Variants in BACH2 observed in about 807,000 individuals in gnomAD.
The protein encoded by BACH2 is transcription regulator protein BACH2.
Under a neutral mutation model 61.8 loss-of-function variants are expected in BACH2, and 5 were observed. That is an observed-to-expected ratio of 0.08 (90% confidence interval 0.04 to 0.17). BACH2 has a LOEUF of 0.17. BACH2 is among the 10% of genes least tolerant of loss of function. The probability of loss-of-function intolerance (pLI) is 1.00; values close to 1 mark genes in which losing one functional copy is unlikely to be tolerated. For synonymous variants in BACH2, 446 were observed against 440.1 expected (o/e 1.01, Z -0.17); for missense variants, 824 against 1,091.1 (o/e 0.76, Z 3.45).
At chr6:89,973,257 A>C (rs1326440681) in intron 6 of BACH2, among the ~76,000 whole-genome samples, 2 of 121,598 alleles carry the variant, frequency 1.6e-5, no homozygotes, top group Admixed American at 1.8e-4. Flanking sequence ...TAAAAAAATA[A>C]GAAAATATAA....
chr6:90,211,126 C>CAAAAAAAAAAAAAAA (rs3072672), intron 3 of BACH2, among the ~76,000 whole-genome samples: 1 of 45,350 alleles, frequency 2.2e-5, no homozygotes, highest in African/African-American at 9.6e-5. Flanking sequence ...GACTCCATCT[C>CAAAAAAAAAAAAAAA]AAAAAAAAAA....
intron 5 of BACH2, among the ~76,000 whole-genome samples, chr6:90,050,430 C>T (rs528621489): frequency 4.6e-5 from 7 of 152,248 alleles, no homozygotes; most frequent in African/African-American, 1.7e-4. Context: ...TAACTCTATC[C>T]TTGTCCAAAT....
chr6:89,967,370 A>G (rs750715306), intron 6 of BACH2, among the ~76,000 whole-genome samples: 1 of 152,290 alleles, frequency 6.6e-6, no homozygotes, highest in Middle Eastern at 3.4e-3. Context: ...GGTGAATCAA[A>G]CTATTTCTGA....
intron 4 of BACH2, among the ~76,000 whole-genome samples, chr6:90,094,606 C>T (rs960721920): frequency 1.3e-5 from 2 of 152,100 alleles, no homozygotes; most frequent in African/African-American, 4.8e-5. Context: ...ACTTCAAGGA[C>T]GGGACACTGC....
chr6:89,956,198 A>ATC (rs1409548925), intron 6 of BACH2, among the ~76,000 whole-genome samples: 1 of 152,206 alleles, frequency 6.6e-6, no homozygotes, highest in Non-Finnish European at 1.5e-5. Context: ...CATTGCACTT[A>ATC]AATATGTAAC....
At chr6:90,007,556 C>T (rs1777475850) in intron 6 of BACH2, among the ~76,000 whole-genome samples, 1 of 152,124 alleles carries the variant, frequency 6.6e-6, no homozygotes, top group Non-Finnish European at 1.5e-5. Context: ...CTACTTCACT[C>T]ATTTATATTA....
At chr6:90,144,679 T>A (rs1443090927) in intron 4 of BACH2, among the ~76,000 whole-genome samples, 1 of 152,156 alleles carries the variant, frequency 6.6e-6, no homozygotes, top group African/African-American at 2.4e-5. Context: ...AAGAGAGTAA[T>A]AAAACCAATT....
At chr6:90,295,899 T>C (rs1772348570) in intron 1 of BACH2, among the ~76,000 whole-genome samples, 1 of 152,088 alleles carries the variant, frequency 6.6e-6, no homozygotes, top group East Asian at 1.9e-4. Context: ...GTCGCGGTGG[T>C]CCGGGCCACC....
chr6:90,212,416 C>T (rs143158499), intron 3 of BACH2, among the ~76,000 whole-genome samples: 1 of 152,242 alleles, frequency 6.6e-6, no homozygotes, highest in Non-Finnish European at 1.5e-5. Context: ...TCCTGCAGGT[C>T]CCTCTCCATC....
rs372104733 is a variant in BACH2, at chr6:90,293,941, A to T, written c.-446+2539T>A. On this transcript the variant is annotated intron_variant, in intron 1 of 8. Coordinates refer to ENST00000257749, the MANE Select transcript of BACH2 (RefSeq NM_021813.4). The stretch of plus-strand genomic sequence containing the variant: ...GAATTGCCTGAAGATACTAAGTCAA[A>T]GGGCATAATTCAATAGGAAAATAAT... Among the ~76,000 whole-genome samples the T allele has an allele frequency of 2.0e-4, 30 of 152,332 alleles. 1 individual carries two copies. The South Asian group carries it at 4.1e-3, about 21-fold the overall frequency.
intron 2 of BACH2, among the ~76,000 whole-genome samples, chr6:90,269,815 G>A (rs1771463468): frequency 6.6e-6 from 1 of 152,142 alleles, no homozygotes. Flanking sequence ...CGGTGAGTGG[G>A]ACACACGCTG....
At chr6:90,100,706 C>T in intron 4 of BACH2, among the ~76,000 whole-genome samples, 1 of 143,280 alleles carries the variant, frequency 7.0e-6, no homozygotes, top group African/African-American at 2.6e-5. Flanking sequence ...CACACAGACA[C>T]ACACACACAC....
chr6:90,060,167 C>T (rs1408951041), intron 5 of BACH2, among the ~76,000 whole-genome samples: 1 of 150,190 alleles, frequency 6.7e-6, no homozygotes, highest in Non-Finnish European at 1.5e-5. Flanking sequence ...AAACAAAAAA[C>T]ACAAAAGATA....
chr6:90,107,227 C>T (rs1268703895), intron 4 of BACH2, among the ~76,000 whole-genome samples: 1 of 152,050 alleles, frequency 6.6e-6, no homozygotes, highest in Non-Finnish European at 1.5e-5. Flanking sequence ...CAAAAATTAG[C>T]TGGGTGTGGT....
chr6:90,247,872 C>T (rs1463232119), intron 3 of BACH2, among the ~76,000 whole-genome samples: 1 of 152,180 alleles, frequency 6.6e-6, no homozygotes, highest in Non-Finnish European at 1.5e-5. Context: ...AGGATGCTCT[C>T]TGATGTCCCT....
At chr6:90,087,301 T>C (rs190371960) in intron 5 of BACH2, among the ~76,000 whole-genome samples, 10 of 152,322 alleles carry the variant, frequency 6.6e-5, no homozygotes, top group Admixed American at 4.6e-4. Flanking sequence ...TAAATCACAG[T>C]GCTTATCCAC....
chr6:90,245,962 CA>C lies in BACH2; in HGVS notation c.-275+6550del, dbSNP rs566760696. Among the ~76,000 whole-genome samples, 10 of 152,278 alleles carry C rather than the reference CA, an allele frequency of 6.6e-5. No homozygotes were observed. In the South Asian group the frequency reaches 2.1e-3, roughly 32 times the overall value. On this transcript the variant is annotated intron_variant, in intron 3 of 8. Transcript: ENST00000257749. The stretch of plus-strand genomic sequence containing the variant: ...CTGGCAGTGCCAGAGGAATGCAGCA[CA>C]AAGGGGTGGAAAGGATGTCAGCAAG...
At chr6:90,102,457 A>T (rs909243837) in intron 4 of BACH2, among the ~76,000 whole-genome samples, 1 of 151,936 alleles carries the variant, frequency 6.6e-6, no homozygotes, top group Non-Finnish European at 1.5e-5. Flanking sequence ...TCAATGAAAA[A>T]CCACATTCTA....
intron 5 of BACH2, among the ~76,000 whole-genome samples, chr6:90,083,446 T>C (rs62408198): frequency 0.036 from 5,510 of 152,300 alleles, 129 homozygotes; most frequent in Non-Finnish European, 0.053. Flanking sequence ...TTAATTTTGA[T>C]GATCTCTTGA....
Sources: gnomAD v4.1 joint callset for allele counts (sites outside exome capture counted in the v4.1 genomes callset) on GRCh38, gnomAD v4.1.1 for gene constraint, MANE v1.5 for transcripts, NCBI Gene and HGNC (gene_info 2026-07-23, HGNC 2026-07-21) for gene names.